The following LAMA4 variants were observed in gnomAD, a reference collection of about 807,000 sequenced individuals.
LAMA4 encodes laminin subunit alpha-4.
In LAMA4, 127 loss-of-function variants were observed where a neutral mutation model predicts 207.1. The observed-to-expected ratio is 0.61, with a 90% confidence interval of 0.53 to 0.71. The LOEUF is 0.71. LAMA4 is among the 30% of genes least tolerant of loss of function. The probability of loss-of-function intolerance (pLI) is 0.00; values close to 1 mark genes in which losing one functional copy is unlikely to be tolerated. For missense variants in LAMA4, 2,093 were observed against 2,246.5 expected (o/e 0.93, Z 1.38); for synonymous variants, 761 against 816.0 (o/e 0.93, Z 1.15).
At chr6:112,127,112 A>T (rs1469932697) in intron 31 of LAMA4, among the ~76,000 whole-genome samples, 4 of 152,152 alleles carry the variant, frequency 2.6e-5, no homozygotes, top group Non-Finnish European at 5.9e-5. Flanking sequence ...ATAGCTGTGT[A>T]TGTATTGAAC....
At chr6:112,140,694 T>C in intron 22 of LAMA4, 66 bp downstream of exon 22, 1 of 1,475,718 alleles carries the variant, frequency 6.8e-7, no homozygotes, top group South Asian at 1.2e-5. Context: ...TCATTATAGG[T>C]TTATGGATTT....
intron 13 of LAMA4, among the ~76,000 whole-genome samples, chr6:112,160,266 G>A (rs1447980394): frequency 6.6e-6 from 1 of 151,936 alleles, no homozygotes; most frequent in Non-Finnish European, 1.5e-5. Context: ...AAACTCTATA[G>A]ATGTATTTAT....
chr6:112,218,815 G>GCCAA, intron 2 of LAMA4: 1 of 152,272 alleles, frequency 6.6e-6, no homozygotes, highest in African/African-American at 2.4e-5. Context: ...TGAGTCATTT[G>GCCAA]GCCCCCCGCC....
At chr6:112,234,958 G>A (rs1416905969) in intron 2 of LAMA4, among the ~76,000 whole-genome samples, 1 of 152,118 alleles carries the variant, frequency 6.6e-6, no homozygotes, top group African/African-American at 2.4e-5. Context: ...TACTCATAAA[G>A]ATGATTACTC....
chr6:112,172,500 T>G (rs1448668085), intron 12 of LAMA4, 111 bp downstream of exon 12: 1 of 944,216 alleles, frequency 1.1e-6, no homozygotes, highest in East Asian at 2.6e-5. Flanking sequence ...TTTTAAAATA[T>G]AAGTATTTAA....
chr6:112,186,776 T>C (rs1554346767), intron 8 of LAMA4: 1 of 450,114 alleles, frequency 2.2e-6, no homozygotes, highest in African/African-American at 2.0e-5. Flanking sequence ...TTATAAAATA[T>C]ATTTTCTATC....
rs932161869 is a variant in LAMA4, at chr6:112,151,124, A to G, written c.2057-497T>C. On this transcript the variant is annotated intron_variant, in intron 16 of 38. Transcript: ENST00000230538. ...GAACACAAAACATAACCGGCATCCA[A>G]GTCAAGAAAATAGAAACTTATTACC... 1.1e-4 allele frequency among the ~76,000 whole-genome samples: 16 copies of G among 152,142 alleles called. 1 individual carries two copies. The highest frequency in any genetic ancestry group is 3.6e-4 in the African/African-American group (15 of 41,544).
Position 112,165,274 on chromosome 6 carries a change from T to C in LAMA4, c.1554A>G (p.Lys518=). Residue 518 remains lysine, a splice_region_variant and synonymous_variant, in exon 13 of 39, where the codon AAA becomes AAG. Coordinates refer to ENST00000230538, the MANE Select transcript of LAMA4 (RefSeq NM_001105206.3). ...ATAARQRDHE[K]QQERVREQME... is the part of the protein sequence containing the mutation. ...TTTGTTCCCTCACTCTTTCCTGTTG[T>C]TTCTGCGGGAAGGAAGAGTAAGGGA... 6 of 1,601,454 alleles carry C rather than the reference T, an allele frequency of 3.7e-6. No individual in the cohort carries two copies. Among genetic ancestry groups the C allele is most frequent in the South Asian group, 3.3e-5 (3 of 90,828 alleles).
At chr6:112,219,418 C>A (rs973155868) in intron 2 of LAMA4, 2 of 152,104 alleles carry the variant, frequency 1.3e-5, no homozygotes, top group Admixed American at 6.6e-5. Context: ...AGAGAGGAAG[C>A]CTTCCAATCA....
intron 13 of LAMA4, among the ~76,000 whole-genome samples, chr6:112,160,957 C>T (rs1469314285): frequency 3.9e-5 from 6 of 152,172 alleles, no homozygotes; most frequent in Non-Finnish European, 2.9e-5. Context: ...ATCAGCTGAC[C>T]GCTCTTCTCT....
At chr6:112,165,587 G>A (rs1645393711) in intron 12 of LAMA4, among the ~76,000 whole-genome samples, 1 of 152,186 alleles carries the variant, frequency 6.6e-6, no homozygotes, top group South Asian at 2.1e-4. Flanking sequence ...ATATAAAAGA[G>A]GACTATGGAG....
chr6:112,115,560 A>G (rs1364697675), intron 36 of LAMA4, among the ~76,000 whole-genome samples: 1 of 152,070 alleles, frequency 6.6e-6, no homozygotes, highest in African/African-American at 2.4e-5. Flanking sequence ...TTTGATAGTT[A>G]TGTTTGCTGA....
At chr6:112,130,116 G>A in intron 29 of LAMA4, 76 bp from the exon 30 acceptor site, 1 of 1,264,108 alleles carries the variant, frequency 7.9e-7, no homozygotes, top group Non-Finnish European at 1.1e-6. Context: ...TGGATAAGCA[G>A]GTTTTCTCAT....
intron 2 of LAMA4, among the ~76,000 whole-genome samples, chr6:112,244,653 G>A (rs909311874): frequency 6.6e-6 from 1 of 152,130 alleles, no homozygotes; most frequent in Non-Finnish European, 1.5e-5. Context: ...CCTGTGACAC[G>A]TGTACTACTG....
rs1378935527 is a variant in LAMA4 at position 112,139,412 on chromosome 6, C to CT, written c.3111-122dup. 66 of 1,050,168 alleles carry CT rather than the reference C, an allele frequency of 6.3e-5. 1 individual carries two copies. In the Middle Eastern group the frequency reaches 1.3e-3, roughly 20 times the overall value. 65.1% of individuals were successfully genotyped at this position (1,050,168 alleles called of 1,614,324 possible). ...GACCTTACAACATTTAAATGAAGTC[C>CT]TGTTGTCTGCAAGGAAGAGATAAAG... On this transcript the variant is annotated intron_variant, in intron 23 of 38. Coordinates refer to ENST00000230538, the MANE Select transcript of LAMA4 (RefSeq NM_001105206.3).
In LAMA4 at chr6:112,230,279, T is replaced by C. The variant is rs905706803; in HGVS notation, c.196-13810A>G. Among the ~76,000 whole-genome samples, 15 of 152,330 alleles carry C rather than the reference T, an allele frequency of 9.8e-5. 1 individual carries two copies. The South Asian group carries it at 2.3e-3, about 23-fold the overall frequency. On this transcript the variant is annotated intron_variant, in intron 2 of 38. Transcript: ENST00000230538. ...TAGCACAGCCTCTAGACCTAACTGA[T>C]TGATCTGCCATGGGCATGACATGAC...
At chr6:112,194,979 T>G (rs1216773297) in intron 5 of LAMA4, among the ~76,000 whole-genome samples, 3 of 152,198 alleles carry the variant, frequency 2.0e-5, no homozygotes, top group East Asian at 3.8e-4. Flanking sequence ...ATTTTATTAT[T>G]TGGGCAAAAT....
At chr6:112,156,685 T>A (rs1780735779) in intron 14 of LAMA4, among the ~76,000 whole-genome samples, 1 of 152,098 alleles carries the variant, frequency 6.6e-6, no homozygotes, top group Non-Finnish European at 1.5e-5. Flanking sequence ...TTCCAGAAGG[T>A]CCTCCGTGAC....
At chr6:112,113,210 G>A (rs1356502230) in intron 38 of LAMA4, among the ~76,000 whole-genome samples, 1 of 152,176 alleles carries the variant, frequency 6.6e-6, no homozygotes, top group Non-Finnish European at 1.5e-5. Context: ...AAATGTTTTA[G>A]GTGGTGGATA....
Sources: gnomAD v4.1 joint callset for allele counts (sites outside exome capture counted in the v4.1 genomes callset) on GRCh38, gnomAD v4.1.1 for gene constraint, MANE v1.5 for transcripts, NCBI Gene and HGNC (gene_info 2026-07-23, HGNC 2026-07-21) for gene names.